SPOCK1: variants seen among roughly 807,000 people sequenced by gnomAD.
The protein encoded by SPOCK1 is SPARC (osteonectin), cwcv and kazal like domains proteoglycan 1.
In SPOCK1, 23 loss-of-function variants were observed where a neutral mutation model predicts 55.3. The observed-to-expected ratio is 0.42, with a 90% CI of 0.30 to 0.59. The LOEUF is 0.59. SPOCK1 is among the 20% of genes least tolerant of loss of function. SPOCK1 has a pLI of 0.22. For synonymous variants in SPOCK1, 226 were observed against 221.0 expected, an observed-to-expected ratio of 1.02 and a Z score of -0.20; for missense variants, 499 against 552.5, an observed-to-expected ratio of 0.90 and a Z score of 0.97.
chr5:137,315,791 T>C (rs1580862983), intron 2 of SPOCK1, among the ~76,000 whole-genome samples: 1 of 152,302 alleles, frequency 6.6e-6, no homozygotes, highest in South Asian at 2.1e-4. Context: ...TACAGACAAC[T>C]TATCCGTCCC....
intron 2 of SPOCK1, among the ~76,000 whole-genome samples, chr5:137,326,145 G>C (rs1390111661): frequency 6.6e-6 from 1 of 152,028 alleles, no homozygotes; most frequent in Admixed American, 6.5e-5. Flanking sequence ...GATAGGAGAA[G>C]AGGAAATGAA....
chr5:137,489,047 G>A (rs4412107), intron 2 of SPOCK1, among the ~76,000 whole-genome samples: 151,888 of 152,344 alleles, frequency 1, 75,718 homozygotes, highest in East Asian at 1. Flanking sequence ...CTTCTAAAGG[G>A]ATCCCCAATA....
intron 2 of SPOCK1, among the ~76,000 whole-genome samples, chr5:137,400,768 C>T (rs1751956498): frequency 6.6e-6 from 1 of 152,164 alleles, no homozygotes; most frequent in Admixed American, 6.5e-5. Flanking sequence ...AGCCAAGGAG[C>T]TCAATGCTGC....
chr5:137,041,677 T>C (rs945459092), intron 6 of SPOCK1, among the ~76,000 whole-genome samples: 3 of 152,186 alleles, frequency 2.0e-5, no homozygotes, highest in Non-Finnish European at 4.4e-5. Flanking sequence ...TTGCCATATG[T>C]GATAGAAAAT....
chr5:137,399,200 G>A (rs1369711679), intron 2 of SPOCK1, among the ~76,000 whole-genome samples: 1 of 152,124 alleles, frequency 6.6e-6, no homozygotes, highest in Non-Finnish European at 1.5e-5. Flanking sequence ...TGTCAGCAGT[G>A]GGGACATTAA....
At chr5:137,161,246 A>G (rs1754552792) in intron 3 of SPOCK1, among the ~76,000 whole-genome samples, 1 of 151,732 alleles carries the variant, frequency 6.6e-6, no homozygotes, top group Non-Finnish European at 1.5e-5. Flanking sequence ...ACATGAGGCA[A>G]GAAAATACAG....
At position 137,012,522 on chromosome 5, in the gene SPOCK1, C is replaced by T. The variant is rs377270836; in HGVS notation, c.590-19922G>A. Among the ~76,000 whole-genome samples, 27 of 152,266 alleles carry T rather than the reference C, an allele frequency of 1.8e-4. No individual in the cohort carries two copies. In the South Asian group the frequency reaches 5.4e-3, roughly 30 times the overall value. On this transcript the variant is annotated intron_variant, in intron 6 of 10. Transcript: ENST00000394945. ...ACTATTTATCATTCCCATTTTACAG[C>T]TGTGGAGACTGAGGCTTGGGGAAGT...
intron 3 of SPOCK1, among the ~76,000 whole-genome samples, chr5:137,261,019 G>A (rs895135053): frequency 2.0e-5 from 3 of 152,098 alleles, no homozygotes; most frequent in African/African-American, 4.8e-5. Flanking sequence ...AAACATGAGC[G>A]AGCCAGGAGA....
intron 3 of SPOCK1, among the ~76,000 whole-genome samples, chr5:137,238,292 A>G (rs187717782): frequency 2.2e-4 from 33 of 152,308 alleles, no homozygotes; most frequent in Non-Finnish European, 3.2e-4. Flanking sequence ...GACAAACCCT[A>G]TTTTCAGTAC....
chr5:137,326,393 T>C (rs1758077928), intron 2 of SPOCK1, among the ~76,000 whole-genome samples: 1 of 152,138 alleles, frequency 6.6e-6, no homozygotes, highest in Admixed American at 6.5e-5. Flanking sequence ...GAACCTGAGC[T>C]CTTTCTATTC....
At chr5:137,192,997 A>T (rs547832738) in intron 3 of SPOCK1, among the ~76,000 whole-genome samples, 1 of 152,334 alleles carries the variant, frequency 6.6e-6, no homozygotes, top group Non-Finnish European at 1.5e-5. Context: ...CAAATCTCTG[A>T]TGTTTTGTTT....
intron 3 of SPOCK1, among the ~76,000 whole-genome samples, chr5:137,163,555 G>A (rs533829648): frequency 6.6e-6 from 1 of 152,324 alleles, no homozygotes; most frequent in South Asian, 2.1e-4. Context: ...AAATGTATGT[G>A]CAGGATGCTA....
intron 2 of SPOCK1, among the ~76,000 whole-genome samples, chr5:137,394,172 T>C (rs1392580160): frequency 6.6e-6 from 1 of 152,234 alleles, no homozygotes; most frequent in East Asian, 1.9e-4. Flanking sequence ...TCATTCATTC[T>C]TACATTCTTA....
At chr5:137,028,774 T>C (rs1751724554) in intron 6 of SPOCK1, among the ~76,000 whole-genome samples, 1 of 151,740 alleles carries the variant, frequency 6.6e-6, no homozygotes, top group Admixed American at 6.6e-5. Flanking sequence ...TGGTGGGAAC[T>C]AAGCCAGTTT....
rs11309240 is a variant in SPOCK1 at position 137,140,747 on chromosome 5, ATTTTTTTTTTTT to A, written c.233-65_233-54del. ...GGTTTAGGACCTCCAGGGAAATTTA[ATTTTTTTTTTTT>A]TTTTTTTTTTTTTTGTTGAGACGGA... On this transcript the variant is annotated intron_variant, in intron 3 of 10. Coordinates refer to ENST00000394945, the MANE Select transcript of SPOCK1 (RefSeq NM_004598.4). 2.1e-4 allele frequency: 73 copies of A among 352,298 alleles called. 1 individual carries two copies. Among genetic ancestry groups the A allele is most frequent in the African/African-American group, 2.0e-3 (57 of 28,018 alleles). The allele number at this position is 352,298 out of a possible 1,614,324, so 21.8% of individuals were successfully genotyped here. A position where few individuals can be genotyped will look rare whatever the true frequency, so the allele number is the denominator to read the frequency against.
intron 6 of SPOCK1, among the ~76,000 whole-genome samples, chr5:137,019,695 A>T (rs993642382): frequency 6.6e-6 from 1 of 152,066 alleles, no homozygotes; most frequent in African/African-American, 2.4e-5. Flanking sequence ...ATATTTTGCA[A>T]CAAACAGACC....
chr5:137,287,792 C>T (rs1209795141), intron 2 of SPOCK1, among the ~76,000 whole-genome samples: 4 of 152,200 alleles, frequency 2.6e-5, no homozygotes, highest in Non-Finnish European at 4.4e-5. Context: ...GAGCCCTTCA[C>T]TACTGCTAAA....
chr5:137,295,234 C>T (rs1757456087), intron 2 of SPOCK1, among the ~76,000 whole-genome samples: 1 of 152,240 alleles, frequency 6.6e-6, no homozygotes, highest in Non-Finnish European at 1.5e-5. Flanking sequence ...ACTTCCCCAA[C>T]ATTCTACAAT....
chr5:137,254,428 T>C (rs1363305936), intron 3 of SPOCK1, among the ~76,000 whole-genome samples: 1 of 152,144 alleles, frequency 6.6e-6, no homozygotes. Context: ...AAACTCCACC[T>C]CCCCTTGACC....
Sources: gnomAD v4.1 joint callset for allele counts (sites outside exome capture counted in the v4.1 genomes callset) on GRCh38, gnomAD v4.1.1 for gene constraint, MANE v1.5 for transcripts, NCBI Gene and HGNC (gene_info 2026-07-23, HGNC 2026-07-21) for gene names.